The following ATOSB variants were observed in gnomAD, a reference collection of about 807,000 sequenced individuals.
The protein encoded by ATOSB is atos homolog B, also known as atos homolog protein B.
the ATOSB span, among the ~76,000 whole-genome samples, chr9:35,115,415 G>T: frequency 6.6e-6 from 1 of 151,844 alleles, no homozygotes; most frequent in Non-Finnish European, 1.5e-5. Flanking sequence ...AAGTACTGGG[G>T]GTTCTGTTCT....
At chr9:35,105,249 T>A in the ATOSB span, 77 of 1,613,732 alleles carry the variant, frequency 4.8e-5, no homozygotes, top group Admixed American at 1.2e-3. The surrounding 1 kb of genome is among the most constrained non-coding windows in gnomAD (Gnocchi z 5.5). Flanking sequence ...ACGTGGATTA[T>A]GAGGGGCCTC....
At chr9:35,107,284 C>T in the ATOSB span, 1 of 1,375,512 alleles carries the variant, frequency 7.3e-7, no homozygotes, top group Non-Finnish European at 9.6e-7. Flanking sequence ...GATTGTGCCA[C>T]TGCACTCCAG....
the ATOSB span, chr9:35,106,759 T>C: frequency 4.6e-6 from 7 of 1,525,402 alleles, no homozygotes; most frequent in Non-Finnish European, 6.2e-6. This position sits in a 1 kb window ranked among gnomAD's most constrained non-coding sequence, Gnocchi z 4.6. Flanking sequence ...GGTCCCCTAC[T>C]CGGATGCTGG....
chr9:35,106,990 C>T, the ATOSB span: 70,118 of 1,060,742 alleles, frequency 0.066, 3,707 homozygotes, highest in East Asian at 0.26. This position sits in a 1 kb window ranked among gnomAD's most constrained non-coding sequence, Gnocchi z 4.6. Context: ...CCCTGCCCCC[C>T]AGGCCTCCAC....
the ATOSB span, chr9:35,104,699 G>A: frequency 6.1e-6 from 2 of 325,262 alleles, no homozygotes; most frequent in Non-Finnish European, 1.3e-5. Context: ...AGTCCCTCTG[G>A]AATAGCCCCT....
the ATOSB span, chr9:35,107,425 G>A: frequency 3.7e-6 from 6 of 1,614,108 alleles, no homozygotes; most frequent in Non-Finnish European, 5.1e-6. Flanking sequence ...CTCCAGAAGG[G>A]TGTGGCTTTG....
the ATOSB span, chr9:35,105,067 A>G: frequency 1.2e-6 from 1 of 801,964 alleles, no homozygotes; most frequent in Non-Finnish European, 1.9e-6. The surrounding 1 kb of genome is among the most constrained non-coding windows in gnomAD (Gnocchi z 5.5). Flanking sequence ...TAAGAATCAG[A>G]AGCTTTAAAC....
the ATOSB span, chr9:35,107,822 G>A: frequency 6.3e-7 from 1 of 1,593,766 alleles, no homozygotes. Context: ...AAGTATTGCA[G>A]GAAGCATTTG....
the ATOSB span, chr9:35,105,747 C>A: frequency 1.9e-6 from 3 of 1,614,006 alleles, no homozygotes; most frequent in Middle Eastern, 3.3e-4. This position sits in a 1 kb window ranked among gnomAD's most constrained non-coding sequence, Gnocchi z 5.5. Flanking sequence ...CACCCACAGG[C>A]ACCAAAAAGA....
the ATOSB span, chr9:35,104,171 A>T: frequency 6.6e-6 from 1 of 152,384 alleles, no homozygotes; most frequent in East Asian, 1.9e-4. Flanking sequence ...CTTTTTTTCT[A>T]AAAAAAAGTA....
At chr9:35,107,858 C>T in the ATOSB span, 1 of 1,598,136 alleles carries the variant, frequency 6.3e-7, no homozygotes, top group Non-Finnish European at 8.5e-7. Flanking sequence ...GACTCCAGGC[C>T]CCCGAAGTCC....
chr9:35,114,740 ACTC>A, the ATOSB span, among the ~76,000 whole-genome samples: 1 of 149,988 alleles, frequency 6.7e-6, no homozygotes, highest in Non-Finnish European at 1.5e-5. Flanking sequence ...GACCCTCAAT[ACTC>A]CTCACCACTT....
At chr9:35,112,928 A>G in the ATOSB span, among the ~76,000 whole-genome samples, 3 of 152,080 alleles carry the variant, frequency 2.0e-5, no homozygotes, top group Non-Finnish European at 4.4e-5. Context: ...TGGGAGACAC[A>G]AGCAAGTAAC....
the ATOSB span, chr9:35,106,442 G>C: frequency 1.2e-6 from 2 of 1,613,966 alleles, no homozygotes; most frequent in East Asian, 2.2e-5. The surrounding 1 kb of genome is among the most constrained non-coding windows in gnomAD (Gnocchi z 4.6). Context: ...CACATGAAGA[G>C]AGAGATGCCA....
chr9:35,107,546 C>A, the ATOSB span: 2 of 1,597,930 alleles, frequency 1.3e-6, no homozygotes, highest in Non-Finnish European at 8.5e-7. Flanking sequence ...CAGGAAGCAG[C>A]CTTCGCTTGG....
chr9:35,106,970 C>G, the ATOSB span: 2 of 1,279,140 alleles, frequency 1.6e-6, no homozygotes, highest in Non-Finnish European at 2.2e-6. This position sits in a 1 kb window ranked among gnomAD's most constrained non-coding sequence, Gnocchi z 4.6. Flanking sequence ...CACAAACTCT[C>G]AAAGGAACAC....
chr9:35,106,223 C>T, the ATOSB span: 4 of 1,612,262 alleles, frequency 2.5e-6, no homozygotes, highest in South Asian at 3.3e-5. This position sits in a 1 kb window ranked among gnomAD's most constrained non-coding sequence, Gnocchi z 4.6. Flanking sequence ...TCTTGATGAG[C>T]TGACTTTGGG....
At chr9:35,105,376 TGGA>T in the ATOSB span, 8 of 1,608,620 alleles carry the variant, frequency 5.0e-6, no homozygotes, top group South Asian at 1.1e-5. This position sits in a 1 kb window ranked among gnomAD's most constrained non-coding sequence, Gnocchi z 5.5. Flanking sequence ...CTCCGGAACC[TGGA>T]GGAGGACAAT....
At chr9:35,112,888 C>G in the ATOSB span, among the ~76,000 whole-genome samples, 1 of 152,110 alleles carries the variant, frequency 6.6e-6, no homozygotes, top group East Asian at 1.9e-4. Context: ...AGGCTCCTTC[C>G]TCTTCCCCCT....
Sources: allele counts gnomAD v4.1 joint callset (sites outside exome capture counted in the v4.1 genomes callset), GRCh38; gene constraint gnomAD v4.1.1; non-coding constraint Gnocchi (gnomAD v3.1); transcripts MANE v1.5; gene names NCBI Gene and HGNC (gene_info 2026-07-23, HGNC 2026-07-21).